The following ESR2 variants were observed in gnomAD, a reference collection of about 807,000 sequenced individuals.
ESR2 encodes estrogen receptor beta.
ESR2 carries 36 observed loss-of-function variants against 49.6 expected under a neutral mutation model. The ratio of observed to expected loss-of-function variants is 0.73; its 90% CI spans 0.56 to 0.96. The LOEUF is 0.96. Ranked by LOEUF, ESR2 falls within the 40% of genes least tolerant of loss-of-function variation. ESR2 has a pLI of 0.00. For synonymous variants in ESR2, 320 were observed against 266.1 expected (o/e 1.20, Z -1.97); for missense variants, 714 against 693.0 (o/e 1.03, Z -0.34).
intron 4 of ESR2, among the ~76,000 whole-genome samples, chr14:64,262,448 TG>T (rs1049292375): frequency 6.6e-6 from 1 of 152,142 alleles, no homozygotes; most frequent in African/African-American, 2.4e-5. Context: ...AGAAACAAGG[TG>T]GAACCAAAAT....
At chr14:64,272,980 A>T (rs528103541) in intron 3 of ESR2, among the ~76,000 whole-genome samples, 1 of 146,794 alleles carries the variant, frequency 6.8e-6, no homozygotes, top group African/African-American at 2.6e-5. Context: ...TAATTCCTCC[A>T]TTCCATGAAC....
intron 3 of ESR2, among the ~76,000 whole-genome samples, chr14:64,278,029 C>T (rs1202125249): frequency 2.0e-5 from 3 of 151,698 alleles, no homozygotes; most frequent in African/African-American, 7.3e-5. Context: ...AGTAATAGGT[C>T]CAAACGTTCT....
intron 1 of ESR2, among the ~76,000 whole-genome samples, chr14:64,325,853 A>G (rs2077383459): frequency 6.6e-6 from 1 of 152,212 alleles, no homozygotes; most frequent in Admixed American, 6.5e-5. Context: ...TACTGTAAGA[A>G]TACAGTGTAT....
intron 1 of ESR2, among the ~76,000 whole-genome samples, chr14:64,302,640 G>A (rs1212936468): frequency 1.3e-5 from 2 of 152,146 alleles, no homozygotes; most frequent in African/African-American, 4.8e-5. Flanking sequence ...ATTGCTTTAA[G>A]CATTCAAAGA....
At chr14:64,264,468 A>AT (rs900007532) in intron 4 of ESR2, among the ~76,000 whole-genome samples, 9 of 139,162 alleles carry the variant, frequency 6.5e-5, no homozygotes, top group African/African-American at 2.5e-4. Flanking sequence ...GTTTTTCTTA[A>AT]TTTTTTTAAT....
chr14:64,261,232 C>CTTTTT (rs374264697), intron 4 of ESR2, among the ~76,000 whole-genome samples: 1,784 of 88,250 alleles, frequency 0.02, 241 homozygotes, highest in Non-Finnish European at 0.024. Flanking sequence ...TTTTATTTTT[C>CTTTTT]TTTTTTCTTT....
At chr14:64,269,212 A>G (rs1266098050) in intron 3 of ESR2, among the ~76,000 whole-genome samples, 2 of 152,260 alleles carry the variant, frequency 1.3e-5, no homozygotes, top group African/African-American at 2.4e-5. Context: ...GACTAACATT[A>G]AATTGATTTG....
chr14:64,335,209 T>C (rs2077513800), intron 1 of ESR2, among the ~76,000 whole-genome samples: 1 of 152,110 alleles, frequency 6.6e-6, no homozygotes, highest in Non-Finnish European at 1.5e-5. Context: ...CACAAAGGAG[T>C]AACTTTTGTT....
At chr14:64,305,148 G>A (rs965983207) in intron 1 of ESR2, among the ~76,000 whole-genome samples, 3 of 151,280 alleles carry the variant, frequency 2.0e-5, no homozygotes, top group East Asian at 2.0e-4. Flanking sequence ...AAAATTAGCC[G>A]GGCGTGGTGG....
At chr14:64,279,861 CTCA>C in intron 3 of ESR2, 117 bp downstream of exon 3, 1 of 812,196 alleles carries the variant, frequency 1.2e-6, no homozygotes, top group Non-Finnish European at 2.1e-6. Context: ...CTCTGAACTG[CTCA>C]TCAAATACTT....
chr14:64,273,632 C>T (rs1052713648), intron 3 of ESR2, among the ~76,000 whole-genome samples: 1 of 152,176 alleles, frequency 6.6e-6, no homozygotes, highest in Non-Finnish European at 1.5e-5. Flanking sequence ...ACCATCCTTG[C>T]ATCCCTGGGA....
chr14:64,267,870 C>T (rs771823812), intron 4 of ESR2, among the ~76,000 whole-genome samples: 32 of 136,306 alleles, frequency 2.3e-4, no homozygotes, highest in East Asian at 1.1e-3. Flanking sequence ...GGTGACAGAG[C>T]GAGACTCCAT....
intron 3 of ESR2, among the ~76,000 whole-genome samples, chr14:64,272,743 G>T (rs565041288): frequency 6.6e-6 from 1 of 152,158 alleles, no homozygotes; most frequent in Non-Finnish European, 1.5e-5. Context: ...TTTTAGGCTA[G>T]TACCACGTTG....
At chr14:64,337,763 C>T (rs1184986843) in intron 1 of ESR2, 1 of 152,118 alleles carries the variant, frequency 6.6e-6, no homozygotes, top group Non-Finnish European at 1.5e-5. Flanking sequence ...GAAAAAAATA[C>T]TAAAAGCCCC....
chr14:64,260,795 G>T (rs747679279), intron 4 of ESR2, 47 bp from the exon 5 acceptor site: 12 of 1,418,306 alleles, frequency 8.5e-6, no homozygotes, highest in Non-Finnish European at 1.1e-5. Flanking sequence ...TAAAACCGCA[G>T]TCAAGCAAAA....
Position 64,228,366 on chromosome 14 carries a change from T to C in ESR2, c.*4771A>G, listed in dbSNP as rs1011182607. Among the ~76,000 whole-genome samples the C allele has an allele frequency of 9.9e-5, 15 of 152,196 alleles. No homozygotes were observed. Among genetic ancestry groups the C allele is most frequent in the Admixed American group, 9.2e-4 (14 of 15,272 alleles). On this transcript the variant is annotated 3_prime_UTR_variant, in exon 9 of 9. Coordinates refer to ENST00000341099, the MANE Select transcript of ESR2 (RefSeq NM_001437.3). Reference sequence around the variant, plus strand: ...ACTTTATTTATATCATGTTAAACTCTCTACGACAGTGCCATAGACATTAAA... The same window carrying C: ...ACTTTATTTATATCATGTTAAACTCCCTACGACAGTGCCATAGACATTAAA...
In ESR2 at chr14:64,235,084, T is replaced by TTCA. The variant is rs1284296729; in HGVS notation, c.1289_1291dup (p.Leu430_Asn431insMet). ...CCAAACCAAAGCATCGGTCACGGCGTTCAGCAAGTGAGCCAGCTTCCGGCT... is the reference window on the plus strand; with the variant it reads ...CCAAACCAAAGCATCGGTCACGGCGTTCATCAGCAAGTGAGCCAGCTTCCGGCT... On this transcript the variant is annotated inframe_insertion, in exon 8 of 9. Coordinates refer to ENST00000341099, the MANE Select transcript of ESR2 (RefSeq NM_001437.3). 1 of 1,614,200 alleles carries TTCA rather than the reference T, an allele frequency of 6.2e-7. No individual in the cohort carries two copies. Among genetic ancestry groups the TTCA allele is most frequent in the Admixed American group, 1.7e-5 (1 of 60,026 alleles).
chr14:64,239,831 G>T (rs2075682926), intron 7 of ESR2, among the ~76,000 whole-genome samples: 1 of 152,230 alleles, frequency 6.6e-6, no homozygotes. Context: ...AAGAGGATTG[G>T]CTGAGAGAGT....
intron 7 of ESR2, among the ~76,000 whole-genome samples, chr14:64,239,368 T>G (rs969671236): frequency 3.9e-5 from 6 of 152,224 alleles, no homozygotes; most frequent in Non-Finnish European, 8.8e-5. Flanking sequence ...GAACTAGGGT[T>G]TAAGCCAGTG....
Sources: gnomAD v4.1 joint callset for allele counts (sites outside exome capture counted in the v4.1 genomes callset) on GRCh38, gnomAD v4.1.1 for gene constraint, MANE v1.5 for transcripts, NCBI Gene and HGNC (gene_info 2026-07-23, HGNC 2026-07-21) for gene names.